The following SAMD5 variants were observed in gnomAD, a reference collection of about 807,000 sequenced individuals.
SAMD5 encodes sterile alpha motif domain-containing protein 5.
Under a neutral mutation model 11.3 loss-of-function variants are expected in SAMD5, and 13 were observed. That is an observed-to-expected ratio of 1.15 (90% CI 0.75 to 1.83). The LOEUF is 1.83. Among genes scored for constraint, SAMD5 ranks in the 40% most tolerant of loss-of-function variants. The pLI is 0.00. For synonymous variants in SAMD5, 129 were observed against 111.3 expected (o/e 1.16, Z -1.00); for missense variants, 255 against 239.1 (o/e 1.07, Z -0.44).
intron 1 of SAMD5, among the ~76,000 whole-genome samples, chr6:147,640,264 T>TCTCA (rs564488625): frequency 3.3e-3 from 503 of 151,076 alleles, no homozygotes; most frequent in Middle Eastern, 0.017. Flanking sequence ...AGGTGAAGGT[T>TCTCA]GCAGTGAGCT....
At chr6:147,661,734 A>G (rs1790651171) in intron 1 of SAMD5, among the ~76,000 whole-genome samples, 1 of 152,076 alleles carries the variant, frequency 6.6e-6, no homozygotes, top group East Asian at 1.9e-4. Context: ...GGTTTAAGCG[A>G]TTCTCCTGCC....
At chr6:147,709,950 G>A (rs1791373415) in intron 1 of SAMD5, among the ~76,000 whole-genome samples, 1 of 152,102 alleles carries the variant, frequency 6.6e-6, no homozygotes, top group African/African-American at 2.4e-5. Flanking sequence ...AGTCACCCCT[G>A]ATTACCCTCC....
At chr6:147,629,707 T>G (rs1790111175) in intron 1 of SAMD5, among the ~76,000 whole-genome samples, 1 of 152,190 alleles carries the variant, frequency 6.6e-6, no homozygotes, top group African/African-American at 2.4e-5. Context: ...ATAGTGCTTT[T>G]TCTTTCATTT....
the SAMD5 span, among the ~76,000 whole-genome samples, chr6:147,856,361 AT>A: frequency 3.9e-5 from 6 of 152,184 alleles, no homozygotes; most frequent in African/African-American, 1.4e-4. Flanking sequence ...TATGTTCATT[AT>A]CTTAATTGTG....
intron 1 of SAMD5, among the ~76,000 whole-genome samples, chr6:147,530,827 G>A (rs554893465): frequency 7.5e-4 from 114 of 152,294 alleles, no homozygotes; most frequent in African/African-American, 2.5e-3. Flanking sequence ...GGCATTTTGC[G>A]TAATCAGCCT....
intron 1 of SAMD5, among the ~76,000 whole-genome samples, chr6:147,686,710 CT>C (rs36105411): frequency 4.7e-5 from 7 of 149,674 alleles, no homozygotes; most frequent in East Asian, 2.0e-4. Flanking sequence ...TATAACAACT[CT>C]TTTTTTTTTC....
At chr6:147,947,550 A>G in the SAMD5 span, 4 of 152,208 alleles carry the variant, frequency 2.6e-5, no homozygotes, top group Non-Finnish European at 5.9e-5. Context: ...GGTACAAGGT[A>G]CTACTTCAAA....
chr6:147,593,363 A>G (rs1393787782), intron 1 of SAMD5, among the ~76,000 whole-genome samples: 1 of 152,162 alleles, frequency 6.6e-6, no homozygotes, highest in African/African-American at 2.4e-5. Flanking sequence ...ACACTGAAGC[A>G]AAAGGAGAGG....
chr6:147,952,151 T>C, the SAMD5 span, among the ~76,000 whole-genome samples: 1 of 152,170 alleles, frequency 6.6e-6, no homozygotes, highest in South Asian at 2.1e-4. Context: ...AAAAGATGAA[T>C]GCCAAATCGG....
the SAMD5 span, among the ~76,000 whole-genome samples, chr6:147,842,632 CT>C: frequency 6.6e-6 from 1 of 152,018 alleles, no homozygotes; most frequent in Non-Finnish European, 1.5e-5. Context: ...AAAAATGCGT[CT>C]TTATTTTCAA....
the SAMD5 span, among the ~76,000 whole-genome samples, chr6:147,906,253 A>G: frequency 2.0e-5 from 3 of 152,158 alleles, no homozygotes; most frequent in Non-Finnish European, 4.4e-5. Flanking sequence ...TTTTGGTGAC[A>G]TTGGCAGGGC....
the SAMD5 span, among the ~76,000 whole-genome samples, chr6:147,795,869 G>A: frequency 4.6e-4 from 70 of 152,192 alleles, no homozygotes; most frequent in African/African-American, 1.6e-3. Flanking sequence ...GTGTTCTTTT[G>A]AGAAGTGTCT....
the SAMD5 span, among the ~76,000 whole-genome samples, chr6:147,934,650 G>A: frequency 2.6e-5 from 4 of 152,102 alleles, no homozygotes; most frequent in Non-Finnish European, 5.9e-5. Flanking sequence ...GGGAAAGTGA[G>A]AGAGGATTGA....
intron 1 of SAMD5, among the ~76,000 whole-genome samples, chr6:147,713,685 TAC>T (rs1202539113): frequency 6.6e-6 from 1 of 152,180 alleles, no homozygotes; most frequent in Non-Finnish European, 1.5e-5. Flanking sequence ...TGGTGGCTTG[TAC>T]ACAGAGTATG....
chr6:147,758,051 G>T, the SAMD5 span, among the ~76,000 whole-genome samples: 1 of 152,156 alleles, frequency 6.6e-6, no homozygotes, highest in Non-Finnish European at 1.5e-5. Context: ...GCCACAGCCT[G>T]GGTTGTGCCT....
chr6:147,559,377 ACT>A (rs1788910479), intron 1 of SAMD5, among the ~76,000 whole-genome samples: 2 of 152,220 alleles, frequency 1.3e-5, no homozygotes, highest in South Asian at 4.1e-4. Flanking sequence ...TGTTTTTTTA[ACT>A]CTGAATTTGT....
chr6:147,810,369 G>A, the SAMD5 span, among the ~76,000 whole-genome samples: 2 of 152,146 alleles, frequency 1.3e-5, no homozygotes, highest in Non-Finnish European at 2.9e-5. Context: ...AAAGGACATT[G>A]GTCCTTTTAG....
intron 1 of SAMD5, among the ~76,000 whole-genome samples, chr6:147,583,843 A>ACACACACACAC (rs1562326563): frequency 2.0e-5 from 3 of 151,842 alleles, no homozygotes; most frequent in Admixed American, 6.6e-5. Flanking sequence ...ACACACACAC[A>ACACACACACAC]AAATGGCTAT....
At chr6:147,746,813 C>T in the SAMD5 span, among the ~76,000 whole-genome samples, 5,511 of 152,204 alleles carry the variant, frequency 0.036, 291 homozygotes, top group African/African-American at 0.11. Flanking sequence ...ACATCTCGAA[C>T]GTAAAGCAGG....
Sources: gnomAD v4.1 joint callset for allele counts (sites outside exome capture counted in the v4.1 genomes callset) on GRCh38, gnomAD v4.1.1 for gene constraint, MANE v1.5 for transcripts, NCBI Gene and HGNC (gene_info 2026-07-23, HGNC 2026-07-21) for gene names.